ZNF521: variants seen among roughly 807,000 people sequenced by gnomAD.
ZNF521 encodes the protein zinc finger protein 521, also known as LYST-interacting protein 3.
A neutral mutation model predicts 105.5 loss-of-function variants in ZNF521; 14 were observed. The ratio of observed to expected loss-of-function variants is 0.13; its 90% CI spans 0.09 to 0.21. The LOEUF (loss-of-function observed/expected upper bound fraction) is 0.21, where lower values mean the gene tolerates loss of function less well. ZNF521 is among the 10% of genes least tolerant of loss of function. The pLI is 1.00. For synonymous variants in ZNF521, 635 were observed against 606.0 expected (o/e 1.05, Z -0.70); for missense variants, 1,233 against 1,629.7 (o/e 0.76, Z 4.19).
At chr18:25,251,478 G>C (rs1397317325) in intron 3 of ZNF521, among the ~76,000 whole-genome samples, 3 of 152,168 alleles carry the variant, frequency 2.0e-5, no homozygotes. Context: ...TAAATGCACT[G>C]AAACTATGAC....
chr18:25,282,331 C>T (rs1350628405), intron 3 of ZNF521, among the ~76,000 whole-genome samples: 2 of 152,112 alleles, frequency 1.3e-5, no homozygotes, highest in Non-Finnish European at 2.9e-5. Context: ...GGGTGAGAAA[C>T]ATGCACATCG....
At chr18:25,141,078 C>A (rs747849682) in intron 5 of ZNF521, among the ~76,000 whole-genome samples, 1 of 152,066 alleles carries the variant, frequency 6.6e-6, no homozygotes, top group Non-Finnish European at 1.5e-5. Context: ...AGAAGCAGAT[C>A]GAAAGAAAAG....
chr18:25,195,109 A>G lies in ZNF521; in HGVS notation c.3658+51T>C, dbSNP rs749749758. 1.2e-5 allele frequency: 16 copies of G among 1,337,852 alleles called. No individual in the cohort carries two copies. The South Asian group carries it at 1.9e-4, about 16-fold the overall frequency. 82.9% of individuals were successfully genotyped at this position (1,337,852 alleles called of 1,614,324 possible). A position where few individuals can be genotyped will look rare whatever the true frequency, so the allele number is the denominator to read the frequency against. ...CTTTAACTCTGTTTAATGGTGATAT[A>G]CACAAGCAGAAGAAACATCTATCTG... On this transcript the variant is annotated intron_variant, in intron 5 of 7. Transcript: ENST00000361524.
chr18:25,088,102 C>T (rs555533282), intron 7 of ZNF521, among the ~76,000 whole-genome samples: 1 of 152,270 alleles, frequency 6.6e-6, no homozygotes, highest in South Asian at 2.1e-4. Context: ...ACCAGATCAG[C>T]TCTTTCATTT....
chr18:25,173,271 C>T (rs1462059782), intron 5 of ZNF521, among the ~76,000 whole-genome samples: 1 of 152,150 alleles, frequency 6.6e-6, no homozygotes, highest in Non-Finnish European at 1.5e-5. Context: ...GGGATAGGTG[C>T]TGGTTTGATG....
intron 5 of ZNF521, among the ~76,000 whole-genome samples, chr18:25,161,936 C>T (rs1206782860): frequency 6.6e-6 from 1 of 152,160 alleles, no homozygotes; most frequent in African/African-American, 2.4e-5. Flanking sequence ...TACAACATGA[C>T]AAGCAGTGGT....
intron 2 of ZNF521, among the ~76,000 whole-genome samples, chr18:25,337,804 T>C (rs1473245973): frequency 6.6e-6 from 1 of 151,864 alleles, no homozygotes; most frequent in Non-Finnish European, 1.5e-5. Context: ...CAAGAATGTA[T>C]GCATGCTTCC....
intron 5 of ZNF521, among the ~76,000 whole-genome samples, chr18:25,128,730 G>A (rs986510387): frequency 4.0e-5 from 6 of 151,820 alleles, no homozygotes; most frequent in East Asian, 3.9e-4. Context: ...AAATACCTAC[G>A]TATAGACCTA....
In ZNF521 at chr18:25,274,429, T is replaced by C. The variant is rs943715116; in HGVS notation, c.221-46732A>G. 1.8e-4 allele frequency among the ~76,000 whole-genome samples: 28 copies of C among 152,348 alleles called. 1 individual carries two copies. The highest frequency in any genetic ancestry group is 1.2e-3 in the Admixed American group (18 of 15,296). On this transcript the variant is annotated intron_variant, in intron 3 of 7. Coordinates refer to ENST00000361524, the MANE Select transcript of ZNF521 (RefSeq NM_015461.3). ...GGTAAGTTGTTACTGTGCTGTTATC[T>C]AAATACATAAAATGCAGACTATTAC...
intron 3 of ZNF521, among the ~76,000 whole-genome samples, chr18:25,294,907 C>T (rs868463222): frequency 9.6e-5 from 13 of 135,326 alleles, no homozygotes; most frequent in African/African-American, 3.0e-4. Context: ...AGAAATCTTT[C>T]TATACTGCTA....
At chr18:25,209,314 T>C (rs2036136971) in intron 4 of ZNF521, among the ~76,000 whole-genome samples, 1 of 151,998 alleles carries the variant, frequency 6.6e-6, no homozygotes, top group Non-Finnish European at 1.5e-5. Flanking sequence ...GTATTTTTAG[T>C]AGAGACAGGG....
intron 2 of ZNF521, among the ~76,000 whole-genome samples, chr18:25,332,506 C>A (rs1913634317): frequency 6.6e-6 from 1 of 152,064 alleles, no homozygotes; most frequent in South Asian, 2.1e-4. Flanking sequence ...AAGGTTCCTT[C>A]ATCCTGATAA....
chr18:25,246,096 G>A (rs535148955), intron 3 of ZNF521, among the ~76,000 whole-genome samples: 2 of 152,236 alleles, frequency 1.3e-5, no homozygotes, highest in Admixed American at 1.3e-4. Context: ...GGAGGGGGGA[G>A]GGATGCGTTA....
chr18:25,219,941 G>A (rs976764186), intron 4 of ZNF521, among the ~76,000 whole-genome samples: 6 of 152,190 alleles, frequency 3.9e-5, no homozygotes, highest in African/African-American at 1.4e-4. Context: ...ACCACCACAG[G>A]CATCAAGATA....
chr18:25,150,533 A>G (rs1448543150), intron 5 of ZNF521, among the ~76,000 whole-genome samples: 1 of 152,212 alleles, frequency 6.6e-6, no homozygotes, highest in Non-Finnish European at 1.5e-5. Context: ...CAGTGTTTGA[A>G]GAGACCAGAG....
intron 4 of ZNF521, among the ~76,000 whole-genome samples, chr18:25,199,808 T>C (rs1199468687): frequency 6.6e-6 from 1 of 152,108 alleles, no homozygotes; most frequent in Non-Finnish European, 1.5e-5. Context: ...TAATTTGTGC[T>C]TAGTTGTTTT....
intron 1 of ZNF521, 36 bp downstream of exon 1, chr18:25,351,968 GA>G: frequency 2.7e-6 from 1 of 369,442 alleles, no homozygotes; most frequent in Non-Finnish European, 5.6e-6. Flanking sequence ...AGGAGGAGGA[GA>G]AGGAGTGTGC....
intron 5 of ZNF521, among the ~76,000 whole-genome samples, chr18:25,187,025 G>A (rs752266789): frequency 6.6e-6 from 1 of 151,966 alleles, no homozygotes; most frequent in African/African-American, 2.4e-5. Flanking sequence ...TGATATGTAC[G>A]TCTCACAGGC....
At chr18:25,264,445 C>T (rs1909113092) in intron 3 of ZNF521, among the ~76,000 whole-genome samples, 2 of 152,118 alleles carry the variant, frequency 1.3e-5, no homozygotes, top group African/African-American at 2.4e-5. Flanking sequence ...ATTCTTGTTT[C>T]ACTGAAATTA....
Sources: allele counts gnomAD v4.1 joint callset (sites outside exome capture counted in the v4.1 genomes callset), GRCh38; gene constraint gnomAD v4.1.1; transcripts MANE v1.5; gene names NCBI Gene and HGNC (gene_info 2026-07-23, HGNC 2026-07-21).